Variants in LRRC4C observed in about 807,000 individuals in gnomAD.
The protein encoded by LRRC4C is leucine rich repeat containing 4C.
A neutral mutation model predicts 33.6 loss-of-function variants in LRRC4C; 5 were observed. That is an observed-to-expected ratio of 0.15 (90% CI 0.08 to 0.31). The LOEUF (loss-of-function observed/expected upper bound fraction) is 0.31. Among genes scored for constraint, LRRC4C ranks in the 10% least tolerant of loss-of-function variants. The pLI is 1.00. For missense variants in LRRC4C, 560 were observed against 796.7 expected (o/e 0.70, Z 3.58); for synonymous variants, 329 against 302.0 (o/e 1.09, Z -0.93).
intron 2 of LRRC4C, among the ~76,000 whole-genome samples, chr11:40,712,527 A>G (rs1564965717): frequency 6.6e-6 from 1 of 152,192 alleles, no homozygotes; most frequent in Non-Finnish European, 1.5e-5. Context: ...AATTTTCATA[A>G]AAAGCTATTT....
chr11:40,682,773 T>TAAATAAATAAATA (rs1944759048), intron 2 of LRRC4C, among the ~76,000 whole-genome samples: 2 of 146,508 alleles, frequency 1.4e-5, no homozygotes, highest in African/African-American at 5.4e-5. Context: ...AATAAATAAA[T>TAAATAAATAAATA]AAATAAAATA....
intron 3 of LRRC4C, among the ~76,000 whole-genome samples, chr11:40,418,036 C>T (rs1950390276): frequency 7.5e-6 from 1 of 133,714 alleles, no homozygotes; most frequent in South Asian, 2.6e-4. Flanking sequence ...AGAGCAAAGG[C>T]AGACAGCTGT....
At chr11:40,470,769 A>G (rs566855922) in intron 3 of LRRC4C, among the ~76,000 whole-genome samples, 2 of 152,324 alleles carry the variant, frequency 1.3e-5, no homozygotes, top group South Asian at 2.1e-4. Context: ...TCAATGAAGC[A>G]GAAGAAAGGA....
At chr11:40,143,280 G>T (rs945278670) in intron 5 of LRRC4C, among the ~76,000 whole-genome samples, 4 of 152,084 alleles carry the variant, frequency 2.6e-5, no homozygotes, top group African/African-American at 4.8e-5. Flanking sequence ...CATAGTGGAG[G>T]GATCCTATTT....
intron 2 of LRRC4C, among the ~76,000 whole-genome samples, chr11:40,664,356 C>T (rs999364034): frequency 1.3e-5 from 2 of 152,124 alleles, no homozygotes; most frequent in Admixed American, 1.3e-4. Flanking sequence ...ACCAGCCTGG[C>T]CAACATGGCA....
chr11:40,298,875 T>C (rs964206637), intron 4 of LRRC4C, among the ~76,000 whole-genome samples: 5 of 151,618 alleles, frequency 3.3e-5, no homozygotes, highest in Non-Finnish European at 5.9e-5. Flanking sequence ...GAGAACTCAT[T>C]CACTATTTTG....
At chr11:40,696,071 G>A (rs1365114828) in intron 2 of LRRC4C, among the ~76,000 whole-genome samples, 12 of 135,122 alleles carry the variant, frequency 8.9e-5, no homozygotes, top group Non-Finnish European at 1.4e-4. Context: ...ATATATGAGT[G>A]TGTATATATA....
At chr11:41,394,042 A>G (rs1414188670) in intron 1 of LRRC4C, among the ~76,000 whole-genome samples, 3 of 151,974 alleles carry the variant, frequency 2.0e-5, no homozygotes, top group African/African-American at 7.2e-5. Flanking sequence ...GAGGCACTCT[A>G]GGGAGCCTTA....
intron 3 of LRRC4C, among the ~76,000 whole-genome samples, chr11:40,498,908 T>C (rs946676905): frequency 2.6e-5 from 4 of 152,188 alleles, no homozygotes; most frequent in Non-Finnish European, 4.4e-5. Flanking sequence ...AGGCCAGTCA[T>C]CCTACAGAGT....
chr11:40,730,054 G>A (rs4593990), intron 2 of LRRC4C, among the ~76,000 whole-genome samples: 123,054 of 151,382 alleles, frequency 0.81, 50,171 homozygotes, highest in African/African-American at 0.86. Flanking sequence ...GAATTGAACA[G>A]TGAGATCACG....
chr11:41,050,153 T>A (rs1331230568), intron 1 of LRRC4C, among the ~76,000 whole-genome samples: 1 of 152,164 alleles, frequency 6.6e-6, no homozygotes. Flanking sequence ...TTGGAGTCAC[T>A]CAGAACTAAT....
At chr11:41,182,948 T>C (rs1201600515) in intron 1 of LRRC4C, among the ~76,000 whole-genome samples, 1 of 151,742 alleles carries the variant, frequency 6.6e-6, no homozygotes, top group East Asian at 1.9e-4. Context: ...ACATCTTACA[T>C]GGATGGTGAC....
intron 3 of LRRC4C, among the ~76,000 whole-genome samples, chr11:40,438,180 G>A (rs1951225225): frequency 2.0e-5 from 3 of 152,114 alleles, no homozygotes; most frequent in South Asian, 4.1e-4. Flanking sequence ...GTCCCACTGC[G>A]GGCCCTTGCA....
chr11:40,234,800 G>T (rs1330810851), intron 5 of LRRC4C, among the ~76,000 whole-genome samples: 1 of 152,120 alleles, frequency 6.6e-6, no homozygotes, highest in South Asian at 2.1e-4. Context: ...ACTTGTAGGG[G>T]CTACACTGTG....
At chr11:40,124,635 G>A (rs1367615036) in intron 6 of LRRC4C, among the ~76,000 whole-genome samples, 1 of 152,174 alleles carries the variant, frequency 6.6e-6, no homozygotes, top group African/African-American at 2.4e-5. Flanking sequence ...ATAGAGAGCA[G>A]AATGATGGTT....
At chr11:40,587,583 G>A (rs1194256391) in intron 3 of LRRC4C, among the ~76,000 whole-genome samples, 2 of 144,906 alleles carry the variant, frequency 1.4e-5, no homozygotes, top group African/African-American at 5.2e-5. Context: ...TCCAGTTTTT[G>A]CCCATTCAGT....
chr11:41,335,116 C>A (rs1951410975), intron 1 of LRRC4C, among the ~76,000 whole-genome samples: 1 of 152,140 alleles, frequency 6.6e-6, no homozygotes, highest in Non-Finnish European at 1.5e-5. Context: ...GCAGCCACAC[C>A]AAGTGAGTAT....
At chr11:40,586,589 AG>A (rs1454058402) in intron 3 of LRRC4C, among the ~76,000 whole-genome samples, 2 of 149,068 alleles carry the variant, frequency 1.3e-5, no homozygotes, top group African/African-American at 5.0e-5. Context: ...GTTTTCTTCT[AG>A]GGTTTTTATG....
intron 1 of LRRC4C, among the ~76,000 whole-genome samples, chr11:41,231,968 C>T (rs952473743): frequency 1.7e-4 from 26 of 151,854 alleles, no homozygotes; most frequent in African/African-American, 6.0e-4. Context: ...TGAGCCTTTA[C>T]TACTGGTCTA....
Sources: allele counts gnomAD v4.1 joint callset (sites outside exome capture counted in the v4.1 genomes callset), GRCh38; gene constraint gnomAD v4.1.1; transcripts MANE v1.5; gene names NCBI Gene and HGNC (gene_info 2026-07-23, HGNC 2026-07-21).